Variants in HOOK1 observed in about 807,000 individuals in gnomAD.
The protein encoded by HOOK1 is protein Hook homolog 1.
In HOOK1, 60 loss-of-function variants were observed where a neutral mutation model predicts 112.8. The observed-to-expected ratio is 0.53, with a 90% CI of 0.43 to 0.66. HOOK1 has a LOEUF of 0.66. Ranked by LOEUF, HOOK1 falls within the 30% of genes least tolerant of loss-of-function variation. HOOK1 has a pLI of 0.00. For synonymous variants in HOOK1, 294 were observed against 283.8 expected (o/e 1.04, Z -0.36); for missense variants, 770 against 856.0 (o/e 0.90, Z 1.25).
chr1:59,854,825 T>G (rs983147911), intron 12 of HOOK1, among the ~76,000 whole-genome samples: 3 of 152,192 alleles, frequency 2.0e-5, no homozygotes, highest in African/African-American at 7.2e-5. Context: ...AACTGTAGAT[T>G]GATGATCCAA....
chr1:59,837,859 C>A (rs117857864), intron 7 of HOOK1, among the ~76,000 whole-genome samples: 6 of 152,140 alleles, frequency 3.9e-5, no homozygotes, highest in South Asian at 2.1e-4. Context: ...CCCCACCCCC[C>A]ACAGGCCCTG....
intron 8 of HOOK1, 91 bp from the exon 9 acceptor site, chr1:59,843,341 A>T: frequency 1.2e-6 from 1 of 851,164 alleles, no homozygotes; most frequent in Non-Finnish European, 1.8e-6. Context: ...GCTTAGTCAG[A>T]TCTAGAATCC....
intron 15 of HOOK1, among the ~76,000 whole-genome samples, chr1:59,861,554 T>G (rs1274274728): frequency 6.6e-6 from 1 of 152,208 alleles, no homozygotes; most frequent in Non-Finnish European, 1.5e-5. Context: ...CAGTAAATCC[T>G]CATAATAACT....
chr1:59,827,595 G>A (rs2098390911), intron 2 of HOOK1, among the ~76,000 whole-genome samples: 1 of 151,922 alleles, frequency 6.6e-6, no homozygotes. Context: ...TTGGCATCTG[G>A]GAATAGTTGA....
chr1:59,859,592 G>A (rs2098412480), intron 14 of HOOK1, among the ~76,000 whole-genome samples: 1 of 151,108 alleles, frequency 6.6e-6, no homozygotes, highest in Non-Finnish European at 1.5e-5. Context: ...ATTTGGCAGG[G>A]GAACAACTAA....
At chr1:59,871,523 C>T (rs1227612846) in intron 21 of HOOK1, among the ~76,000 whole-genome samples, 2 of 152,130 alleles carry the variant, frequency 1.3e-5, no homozygotes, top group Non-Finnish European at 2.9e-5. Context: ...TCCTCTAAAG[C>T]CTCAGTGTGT....
Position 59,848,484 on chromosome 1 carries a change from G to A in HOOK1, c.1099G>A (p.Ala367Thr). The A allele has an allele frequency of 1.2e-6, 2 of 1,609,516 alleles. No individual in the cohort carries two copies. The highest frequency in any genetic ancestry group is 1.7e-6 in the Non-Finnish European group (2 of 1,176,830). ...LEEELKKANA[A>T]RTQLETYKRQ... ...AGAAGAATTAAAAAAAGCAAATGCA[G>A]CACGTACACAATTAGAAACATACAA... is the stretch of plus-strand genomic sequence containing the variant. The change falls in exon 11 of 22, where the codon GCA becomes ACA. Residue 367 changes from alanine (A) to threonine (T), a missense_variant. Coordinates refer to ENST00000371208, the MANE Select transcript of HOOK1 (RefSeq NM_015888.6).
chr1:59,865,072 G>C, intron 17 of HOOK1, 91 bp from the exon 18 acceptor site: 2 of 773,656 alleles, frequency 2.6e-6, no homozygotes, highest in Non-Finnish European at 4.6e-6. Context: ...CCATTTCACA[G>C]ATGAGGAACC....
At chr1:59,835,814 G>A (rs1418342670) in intron 6 of HOOK1, among the ~76,000 whole-genome samples, 1 of 152,030 alleles carries the variant, frequency 6.6e-6, no homozygotes, top group Admixed American at 6.6e-5. Context: ...TGGGGTTTTT[G>A]CTCCTATGAG....
intron 12 of HOOK1, among the ~76,000 whole-genome samples, chr1:59,851,603 A>C (rs1238966185): frequency 6.6e-6 from 1 of 151,598 alleles, no homozygotes; most frequent in Non-Finnish European, 1.5e-5. Context: ...TGACCTCTGC[A>C]AATAGAATTG....
Position 59,828,888 on chromosome 1 carries a change from A to G in HOOK1, c.222+36A>G, listed in dbSNP as rs778857156. ...CAAATGGGAGAAGCACTTGATCCAA[A>G]CAGTGGTCCTAAAGTTAGCACTAAG... On this transcript the variant is annotated intron_variant, in intron 3 of 21. Coordinates refer to ENST00000371208, the MANE Select transcript of HOOK1 (RefSeq NM_015888.6). 9.3e-6 allele frequency: 14 copies of G among 1,513,150 alleles called. No individual in the cohort carries two copies. In the Middle Eastern group the frequency reaches 5.1e-4, roughly 56 times the overall value. 93.7% of individuals were successfully genotyped at this position (1,513,150 alleles called of 1,614,324 possible).
intron 20 of HOOK1, among the ~76,000 whole-genome samples, chr1:59,868,610 C>T (rs1235790619): frequency 6.6e-6 from 1 of 152,192 alleles, no homozygotes; most frequent in Admixed American, 6.5e-5. Context: ...CTATCCCTGA[C>T]TTTCTAATAG....
intron 12 of HOOK1, among the ~76,000 whole-genome samples, chr1:59,856,589 C>T (rs986843295): frequency 6.6e-6 from 1 of 151,502 alleles, no homozygotes; most frequent in African/African-American, 2.4e-5. Context: ...AGACTTTTTC[C>T]ATTCTTAGGG....
At chr1:59,841,930 A>G (rs1423188279) in intron 8 of HOOK1, among the ~76,000 whole-genome samples, 1 of 152,082 alleles carries the variant, frequency 6.6e-6, no homozygotes, top group Non-Finnish European at 1.5e-5. Flanking sequence ...GATGCCTGGA[A>G]CCACCACCCA....
In HOOK1 at chr1:59,861,597, C is replaced by T. The variant is rs146891578; in HGVS notation, c.1533-1187C>T. Among the ~76,000 whole-genome samples the T allele has an allele frequency of 4.1e-3, 626 of 152,258 alleles. 2 individuals are homozygous for T. Among genetic ancestry groups the T allele is most frequent in the African/African-American group, 0.014 (594 of 41,550 alleles). On this transcript the variant is annotated intron_variant, in intron 15 of 21. Coordinates refer to ENST00000371208, the MANE Select transcript of HOOK1 (RefSeq NM_015888.6). The stretch of plus-strand genomic sequence containing the variant: ...ATAGTAACCATGTAGTAACCAATAG[C>T]TCTTTTTCTATGGATAAGGAATATG...
intron 3 of HOOK1, among the ~76,000 whole-genome samples, chr1:59,830,122 G>T (rs2098392702): frequency 6.6e-6 from 1 of 151,940 alleles, no homozygotes; most frequent in Non-Finnish European, 1.5e-5. Context: ...CGAACCTATG[G>T]TCTGTCTTGG....
In HOOK1 at chr1:59,826,700, A is replaced by T. The variant is rs548755634; in HGVS notation, c.150-2080A>T. Among the ~76,000 whole-genome samples the T allele has an allele frequency of 1.3e-3, 197 of 152,348 alleles. 1 individual carries two copies. Among genetic ancestry groups the T allele is most frequent in the African/African-American group, 4.7e-3 (194 of 41,594 alleles). On this transcript the variant is annotated intron_variant, in intron 2 of 21. Coordinates refer to ENST00000371208, the MANE Select transcript of HOOK1 (RefSeq NM_015888.6). Reference sequence around the variant, plus strand: ...CAGGGTTGTCCAGAGAAACAGAACCAGTAGAGGGTGAGTGTGTGTGTAATC... The same window carrying T: ...CAGGGTTGTCCAGAGAAACAGAACCTGTAGAGGGTGAGTGTGTGTGTAATC...
rs1181471966 is a variant in HOOK1, at chr1:59,874,246, C to CT, written c.*1281_*1282insT. 1 of 152,112 alleles carries CT rather than the reference C, an allele frequency of 6.6e-6. No individual in the cohort carries two copies. The highest frequency in any genetic ancestry group is 1.9e-4 in the East Asian group (1 of 5,192). 9.4% of individuals were successfully genotyped at this position (152,112 alleles called of 1,614,324 possible). On this transcript the variant is annotated 3_prime_UTR_variant, in exon 22 of 22. Coordinates refer to ENST00000371208, the MANE Select transcript of HOOK1 (RefSeq NM_015888.6). Reference sequence around the variant, plus strand: ...CAGGGCAGCTATAGAATATTTCCATCATTGCAGAAAGTTCTATTGGATAGT... The same window carrying CT: ...CAGGGCAGCTATAGAATATTTCCATCTATTGCAGAAAGTTCTATTGGATAGT...
intron 10 of HOOK1, among the ~76,000 whole-genome samples, chr1:59,847,544 A>G (rs1459187400): frequency 1.3e-5 from 2 of 151,688 alleles, no homozygotes; most frequent in Non-Finnish European, 3.0e-5. Context: ...GGAAATGTCA[A>G]TCCATATTTT....
Sources: allele counts gnomAD v4.1 joint callset (sites outside exome capture counted in the v4.1 genomes callset), GRCh38; gene constraint gnomAD v4.1.1; transcripts MANE v1.5; gene names NCBI Gene and HGNC (gene_info 2026-07-23, HGNC 2026-07-21).